The following PCNX2 variants were observed in gnomAD, a reference collection of about 807,000 sequenced individuals.
The protein encoded by PCNX2 is pecanex 2.
A neutral mutation model predicts 223.8 loss-of-function variants in PCNX2; 168 were observed. That is an observed-to-expected ratio of 0.75 (90% confidence interval 0.66 to 0.85). The LOEUF is 0.85. Among genes scored for constraint, PCNX2 ranks in the 40% least tolerant of loss-of-function variants. PCNX2 has a pLI of 0.00. For synonymous variants in PCNX2, 1,006 were observed against 1,052.6 expected, an observed-to-expected ratio of 0.96 and a Z score of 0.86; for missense variants, 2,507 against 2,675.5, an observed-to-expected ratio of 0.94 and a Z score of 1.39.
chr1:233,154,668 A>G (rs1049953057), intron 19 of PCNX2, among the ~76,000 whole-genome samples: 2 of 152,236 alleles, frequency 1.3e-5, no homozygotes, highest in Admixed American at 6.5e-5. Flanking sequence ...TTTTATATGC[A>G]TATCAATAAG....
chr1:233,013,043 A>G (rs1558161934), intron 28 of PCNX2, among the ~76,000 whole-genome samples: 1 of 152,192 alleles, frequency 6.6e-6, no homozygotes, highest in Non-Finnish European at 1.5e-5. Flanking sequence ...ACCTGCGGCA[A>G]TCATCAAGCT....
rs566564481 is a variant in PCNX2 at position 233,092,826 on chromosome 1, TCTCG to T, written c.3947-2640_3947-2637del. On this transcript the variant is annotated intron_variant, in intron 22 of 33. Coordinates refer to ENST00000258229, the MANE Select transcript of PCNX2 (RefSeq NM_014801.4). ...TGTTTTTGTTTTTTTTGAAATGAAG[TCTCG>T]CTCTGTCACCCAGGCTAGAGTGCGG... Among the ~76,000 whole-genome samples the T allele has an allele frequency of 3.2e-4, 49 of 152,322 alleles. No homozygotes were observed. In the South Asian group the frequency reaches 9.9e-3, roughly 31 times the overall value.
At chr1:233,018,128 T>C (rs1324443176) in intron 26 of PCNX2, among the ~76,000 whole-genome samples, 1 of 152,130 alleles carries the variant, frequency 6.6e-6, no homozygotes. Flanking sequence ...GCTCAAGCGA[T>C]CCTCCTGCCT....
upstream of PCNX2, chr1:233,295,860 TTC>T (rs573978538): frequency 1.4e-5 from 3 of 211,888 alleles, no homozygotes; most frequent in Non-Finnish European, 1.9e-5. The surrounding 1 kb of genome is among the most constrained non-coding windows in gnomAD (Gnocchi z 4.1). Context: ...AGCCTTTTCT[TTC>T]TCTCTTTCTC....
At chr1:233,030,357 C>G (rs971054716) in intron 25 of PCNX2, among the ~76,000 whole-genome samples, 7 of 151,970 alleles carry the variant, frequency 4.6e-5, no homozygotes, top group Admixed American at 3.9e-4. Flanking sequence ...CATAGTATTA[C>G]CTGGTGGAAA....
rs1205834064 is a variant in PCNX2, at chr1:233,014,653, C to A, written c.4952+12G>T. 5 of 1,606,354 alleles carry A rather than the reference C, an allele frequency of 3.1e-6. No individual in the cohort carries two copies. The highest frequency in any genetic ancestry group is 4.3e-6 in the Non-Finnish European group (5 of 1,173,182). On this transcript the variant is annotated intron_variant, in intron 28 of 33. Coordinates refer to ENST00000258229, the MANE Select transcript of PCNX2 (RefSeq NM_014801.4). ...CTGTACCTAAGAGATTCTAACTTCT[C>A]CCCCCAGGTACCTGATGGCCATATT...
Position 233,126,507 on chromosome 1 carries a change from G to GTGTGTGTGTT in PCNX2, c.3837+8496_3837+8505dup, listed in dbSNP as rs771417841. ...TTGATATTTTAAATTTGTGTGGTGT[G>GTGTGTGTGTT]TGTGTGTGTTTGTGTGTGTGTGTGT... On this transcript the variant is annotated intron_variant, in intron 21 of 33. Coordinates refer to ENST00000258229, the MANE Select transcript of PCNX2 (RefSeq NM_014801.4). This position sits in a 1 kb window ranked among gnomAD's most constrained non-coding sequence, Gnocchi z 4.8. 7.0e-6 allele frequency among the ~76,000 whole-genome samples: 1 copy of GTGTGTGTGTT among 143,168 alleles called. No homozygotes were observed. The highest frequency in any genetic ancestry group is 7.6e-5 in the Admixed American group (1 of 13,074). 93.9% of individuals were successfully genotyped at this position (143,168 alleles called of 152,430 possible). A position where few individuals can be genotyped will look rare whatever the true frequency, so the allele number is the denominator to read the frequency against.
At chr1:233,237,043 T>C (rs1349038172) in intron 8 of PCNX2, 63 bp from the exon 9 acceptor site, 41 of 1,597,626 alleles carry the variant, frequency 2.6e-5, no homozygotes, top group Non-Finnish European at 3.1e-5. Context: ...CTATTTATTA[T>C]ACACAAACAC....
the PCNX2 span, among the ~76,000 whole-genome samples, chr1:233,313,937 G>A: frequency 6.6e-6 from 1 of 152,190 alleles, no homozygotes; most frequent in Non-Finnish European, 1.5e-5. Context: ...TCCTGTGGAG[G>A]CCCATTTAGC....
intron 10 of PCNX2, among the ~76,000 whole-genome samples, chr1:233,218,440 T>C (rs12729762): frequency 0.41 from 62,447 of 151,372 alleles, 13,919 homozygotes; most frequent in South Asian, 0.57. Context: ...TTAGTAGAGA[T>C]GGGGTTTCAC....
chr1:233,258,990 G>A lies in PCNX2; in HGVS notation c.872C>T (p.Pro291Leu), dbSNP rs776057380. 3 of 1,613,886 alleles carry A rather than the reference G, an allele frequency of 1.9e-6. No homozygotes were observed. The highest frequency in any genetic ancestry group is 1.7e-4 in the Middle Eastern group (1 of 6,060). Residue 291 changes from proline to leucine, a missense_variant, in exon 5 of 34, where the codon CCC becomes CTC. Physicochemically the swap from Pro to Leu is moderately conservative, Grantham distance 98. This residue lies in a region of PCNX2 where 1,031 missense variants were observed against 1,021.7 expected (regional missense o/e 1.01). Coordinates refer to ENST00000258229, the MANE Select transcript of PCNX2 (RefSeq NM_014801.4). ...TACCCGTTCCCTTATGGAGCCCCGG[G>A]GACAACTGACAGGTTCTGGAATCAG... ...SVLIPEPVSC[P>L]RGSIRERVQS...
chr1:233,291,574 C>G (rs1254128990), intron 1 of PCNX2: 3 of 752,134 alleles, frequency 4.0e-6, no homozygotes, highest in Non-Finnish European at 4.8e-6. Context: ...CGCCATTGCA[C>G]TCCAGCCTGG....
intron 4 of PCNX2, among the ~76,000 whole-genome samples, chr1:233,260,405 A>C: frequency 6.6e-6 from 1 of 152,230 alleles, no homozygotes; most frequent in East Asian, 1.9e-4. Context: ...AATATGTTTC[A>C]TATGAAGAAA....
intron 25 of PCNX2, among the ~76,000 whole-genome samples, chr1:233,040,599 T>C (rs940719407): frequency 4.6e-5 from 7 of 152,128 alleles, no homozygotes; most frequent in African/African-American, 1.7e-4. Context: ...CCTAACCCCA[T>C]GCTCCATCTC....
Position 232,984,292 on chromosome 1 carries a change from G to T in PCNX2, c.*12C>A, listed in dbSNP as rs1330508734. The T allele has an allele frequency of 4.4e-6, 7 of 1,586,780 alleles. No individual in the cohort carries two copies. The highest frequency in any genetic ancestry group is 1.7e-5 in the Admixed American group (1 of 57,362). ...GTGGGGGAGCCAGCCTCCCCGCCCG[G>T]CCGCACGCCCGTCACTGCTCGTCTG... On this transcript the variant is annotated 3_prime_UTR_variant, in exon 34 of 34. Coordinates refer to ENST00000258229, the MANE Select transcript of PCNX2 (RefSeq NM_014801.4).
At chr1:233,230,657 C>G (rs1008046694) in intron 9 of PCNX2, among the ~76,000 whole-genome samples, 1 of 151,986 alleles carries the variant, frequency 6.6e-6, no homozygotes, top group Non-Finnish European at 1.5e-5. Flanking sequence ...TTAGGAAAAG[C>G]GAGGACAAAG....
intron 19 of PCNX2, among the ~76,000 whole-genome samples, chr1:233,142,119 T>A (rs558236021): frequency 1.1e-4 from 16 of 152,204 alleles, no homozygotes; most frequent in African/African-American, 3.4e-4. Context: ...TTTTCTGGAG[T>A]AGATTTGGAA....
chr1:233,262,895 A>C (rs1660132489), intron 2 of PCNX2, 63 bp downstream of exon 2: 2 of 1,510,280 alleles, frequency 1.3e-6, no homozygotes, highest in African/African-American at 1.4e-5. Flanking sequence ...CTGATAAAAA[A>C]CTTATTTTAA....
intron 15 of PCNX2, among the ~76,000 whole-genome samples, chr1:233,193,682 C>G (rs1191558664): frequency 6.6e-6 from 1 of 152,086 alleles, no homozygotes; most frequent in African/African-American, 2.4e-5. Context: ...GTTGAAGAAT[C>G]TAGTGACAGA....
Sources: allele counts gnomAD v4.1 joint callset (sites outside exome capture counted in the v4.1 genomes callset), GRCh38; gene constraint gnomAD v4.1.1; regional missense constraint gnomAD v4.1.1; non-coding constraint Gnocchi (gnomAD v3.1); transcripts MANE v1.5; gene names NCBI Gene and HGNC (gene_info 2026-07-23, HGNC 2026-07-21).